Variants in GNPDA2 observed in about 807,000 individuals in gnomAD.
The protein encoded by GNPDA2 is glucosamine-6-phosphate deaminase 2, also known as glcN6P deaminase 2.
Under a neutral mutation model 27.0 loss-of-function variants are expected in GNPDA2, and 24 were observed. The observed-to-expected ratio is 0.89, with a 90% CI of 0.64 to 1.25. The LOEUF is 1.25. Among genes scored for constraint, GNPDA2 ranks in the 50% most tolerant of loss-of-function variants. GNPDA2 has a pLI of 0.00. For missense variants in GNPDA2, 286 were observed against 335.1 expected (o/e 0.85, Z 1.14); for synonymous variants, 94 against 108.4 (o/e 0.87, Z 0.83).
At chr4:44,723,032 A>C (rs1577597788) in intron 1 of GNPDA2, among the ~76,000 whole-genome samples, 1 of 152,334 alleles carries the variant, frequency 6.6e-6, no homozygotes, top group Non-Finnish European at 1.5e-5. Context: ...TCATCTCTGG[A>C]GGAGAAATTT....
chr4:44,724,286 C>G (rs925725836), intron 1 of GNPDA2, among the ~76,000 whole-genome samples: 8 of 152,144 alleles, frequency 5.3e-5, no homozygotes, highest in Non-Finnish European at 1.2e-4. Flanking sequence ...GGCCTTAAGT[C>G]CTCTGCCTCC....
At chr4:44,704,488 AT>A (rs1384015447) in intron 6 of GNPDA2, 21 of 768,796 alleles carry the variant, frequency 2.7e-5, no homozygotes, top group East Asian at 2.6e-4. Flanking sequence ...CCTTTATAAA[AT>A]TTTTTTCTTT....
rs544030822 is a variant in GNPDA2 at position 44,725,293 on chromosome 4, A to G, written c.-36+1181T>C. 1.4e-3 allele frequency among the ~76,000 whole-genome samples: 216 copies of G among 152,326 alleles called. 2 individuals carry two copies. Among genetic ancestry groups the G allele is most frequent in the Middle Eastern group, 0.014 (4 of 294 alleles). Reference sequence around the variant, plus strand: ...ACGAGAAGTTTATTGCTGACGTTAAAAAGTGGCCCGGGGAGCTGGCTTTAA... The same window carrying G: ...ACGAGAAGTTTATTGCTGACGTTAAGAAGTGGCCCGGGGAGCTGGCTTTAA... On this transcript the variant is annotated intron_variant, in intron 1 of 6. Coordinates refer to ENST00000295448, the MANE Select transcript of GNPDA2 (RefSeq NM_138335.3).
intron 4 of GNPDA2, among the ~76,000 whole-genome samples, chr4:44,715,611 A>G (rs1425177746): frequency 1.3e-5 from 2 of 152,092 alleles, no homozygotes; most frequent in Non-Finnish European, 2.9e-5. Flanking sequence ...TCTACTGTCT[A>G]GCCTGAATAT....
chr4:44,723,601 T>C lies in GNPDA2; in HGVS notation c.-35-1359A>G, dbSNP rs1717819312. Among the ~76,000 whole-genome samples, 3 of 152,292 alleles carry C rather than the reference T, an allele frequency of 2.0e-5. No homozygotes were observed. The Middle Eastern group carries it at 0.01, about 518-fold the overall frequency. ...GGCTGAATTTCGCGGTGTATATATA[T>C]ACCACATTTTCTTTATCCAATCATT... On this transcript the variant is annotated intron_variant, in intron 1 of 6. Coordinates refer to ENST00000295448, the MANE Select transcript of GNPDA2 (RefSeq NM_138335.3).
Position 44,707,378 on chromosome 4 carries a change from G to A in GNPDA2, c.769+374C>T, listed in dbSNP as rs186495421. On this transcript the variant is annotated intron_variant, in intron 6 of 6. Coordinates refer to ENST00000295448, the MANE Select transcript of GNPDA2 (RefSeq NM_138335.3). Reference sequence around the variant, plus strand: ...TTAGGTTCTAAATTAAGGTTAGAGGGGAGTGAGGAAGAGGGATTGAGGTGG... The same window carrying A: ...TTAGGTTCTAAATTAAGGTTAGAGGAGAGTGAGGAAGAGGGATTGAGGTGG... 1,085 of 258,848 alleles carry A rather than the reference G, an allele frequency of 4.2e-3. 13 individuals carry two copies. The highest frequency in any genetic ancestry group is 0.023 in the African/African-American group (1,025 of 45,550). The allele number at this position is 258,848 out of a possible 1,614,324, so 16.0% of individuals were successfully genotyped here.
chr4:44,723,255 TA>T (rs903143629), intron 1 of GNPDA2, among the ~76,000 whole-genome samples: 1 of 151,400 alleles, frequency 6.6e-6, no homozygotes, highest in Non-Finnish European at 1.5e-5. Flanking sequence ...TCCTTTTTTT[TA>T]AAAAAATGGT....
At chr4:44,722,582 T>G (rs1235009222) in intron 1 of GNPDA2, among the ~76,000 whole-genome samples, 2 of 151,860 alleles carry the variant, frequency 1.3e-5, no homozygotes, top group African/African-American at 4.8e-5. Context: ...AGGTACAGAC[T>G]TTTTTTTGTC....
intron 4 of GNPDA2, among the ~76,000 whole-genome samples, chr4:44,716,310 TTAA>T: frequency 6.6e-6 from 1 of 152,068 alleles, no homozygotes; most frequent in Non-Finnish European, 1.5e-5. Context: ...TTCTATTAAG[TTAA>T]TAATAAGTTA....
chr4:44,702,086 A>AC lies in GNPDA2; in HGVS notation c.*994dup. ...ACAAACCCAAAATGAATGCAGGTTCACATGTACTATAATTGTTGGGAGTCG... is the reference window on the plus strand; with the variant it reads ...ACAAACCCAAAATGAATGCAGGTTCACCATGTACTATAATTGTTGGGAGTCG... On this transcript the variant is annotated 3_prime_UTR_variant, in exon 7 of 7. Transcript: ENST00000295448. 1.0e-6 allele frequency: 1 copy of AC among 984,432 alleles called. No homozygotes were observed. The highest frequency in any genetic ancestry group is 1.2e-6 in the Non-Finnish European group (1 of 828,720). The allele number at this position is 984,432 out of a possible 1,614,324, so 61.0% of individuals were successfully genotyped here.
chr4:44,713,104 A>G (rs1424181586), intron 4 of GNPDA2, among the ~76,000 whole-genome samples: 1 of 152,180 alleles, frequency 6.6e-6, no homozygotes, highest in Admixed American at 6.5e-5. Context: ...TATGGTTGCT[A>G]TTCTTTGGTC....
chr4:44,707,602 G>A, intron 6 of GNPDA2, 150 bp downstream of exon 6: 2 of 562,904 alleles, frequency 3.6e-6, no homozygotes, highest in Non-Finnish European at 6.2e-6. Flanking sequence ...TATTATCTGA[G>A]GTGAGAACTT....
At chr4:44,703,368 A>G in intron 6 of GNPDA2, 1 of 1,304,684 alleles carries the variant, frequency 7.7e-7, no homozygotes, top group Non-Finnish European at 9.7e-7. Context: ...CAGATCTAGA[A>G]TGTGTACAGG....
At chr4:44,722,342 G>C in intron 1 of GNPDA2, 100 bp from the exon 2 acceptor site, 1 of 802,812 alleles carries the variant, frequency 1.2e-6, no homozygotes, top group South Asian at 2.1e-5. Context: ...CACTGAAACA[G>C]AATATACTGA....
chr4:44,708,747 C>G (rs917394459), intron 5 of GNPDA2, among the ~76,000 whole-genome samples: 1 of 152,036 alleles, frequency 6.6e-6, no homozygotes, highest in Non-Finnish European at 1.5e-5. Flanking sequence ...TTCCTCATTA[C>G]AATTGTTTTA....
intron 3 of GNPDA2, among the ~76,000 whole-genome samples, chr4:44,717,526 C>A (rs151307301): frequency 1.1e-3 from 166 of 151,820 alleles, no homozygotes; most frequent in African/African-American, 3.9e-3. Flanking sequence ...TGTAGGTGAA[C>A]AATTGAAACA....
At chr4:44,718,843 C>T (rs998805704) in intron 2 of GNPDA2, among the ~76,000 whole-genome samples, 1 of 151,862 alleles carries the variant, frequency 6.6e-6, no homozygotes, top group African/African-American at 2.4e-5. Flanking sequence ...AAATATTGCC[C>T]CTACTTTCAA....
chr4:44,714,341 T>C, intron 4 of GNPDA2: 6 of 985,330 alleles, frequency 6.1e-6, no homozygotes, highest in Non-Finnish European at 7.2e-6. Context: ...AGGAATTGCA[T>C]GATACACCTT....
intron 1 of GNPDA2, among the ~76,000 whole-genome samples, chr4:44,722,513 T>C (rs1410316986): frequency 6.6e-6 from 1 of 152,166 alleles, no homozygotes; most frequent in African/African-American, 2.4e-5. Flanking sequence ...ATTCGAGGAT[T>C]CAGCCAACCA....
Sources: gnomAD v4.1 joint callset for allele counts (sites outside exome capture counted in the v4.1 genomes callset) on GRCh38, gnomAD v4.1.1 for gene constraint, MANE v1.5 for transcripts, NCBI Gene and HGNC (gene_info 2026-07-23, HGNC 2026-07-21) for gene names.